Variants in CDH13 observed in about 807,000 individuals in gnomAD.
The protein encoded by CDH13 is cadherin-13.
Under a neutral mutation model 63.8 loss-of-function variants are expected in CDH13, and 24 were observed. The ratio of observed to expected loss-of-function variants is 0.38; its 90% CI spans 0.27 to 0.53. The LOEUF is 0.53. Ranked by LOEUF, CDH13 falls within the 20% of genes least tolerant of loss-of-function variation. The pLI, the probability that CDH13 is intolerant of heterozygous loss-of-function variation, is 0.85. For synonymous variants in CDH13, 503 were observed against 355.3 expected (o/e 1.42, Z -4.67); for missense variants, 1,049 against 903.1 (o/e 1.16, Z -2.07).
At chr16:83,526,117 C>G (rs1293908081) in intron 7 of CDH13, among the ~76,000 whole-genome samples, 1 of 152,198 alleles carries the variant, frequency 6.6e-6, no homozygotes, top group East Asian at 1.9e-4. Flanking sequence ...ATGTAACATT[C>G]AAGGCAGAAC....
intron 6 of CDH13, among the ~76,000 whole-genome samples, chr16:83,481,820 G>A (rs564413274): frequency 3.9e-5 from 6 of 152,280 alleles, no homozygotes; most frequent in Admixed American, 2.0e-4. Flanking sequence ...GCCCCAATGC[G>A]TGTCTGTCAT....
intron 11 of CDH13, among the ~76,000 whole-genome samples, chr16:83,773,947 G>A (rs1914932581): frequency 6.6e-6 from 1 of 152,010 alleles, no homozygotes; most frequent in Non-Finnish European, 1.5e-5. Flanking sequence ...CCCCTTCCCT[G>A]CCTGGCATGG....
rs1379690105 is a variant in CDH13 at position 82,842,115 on chromosome 16, T to C, written c.46-16247T>C. On this transcript the variant is annotated intron_variant, in intron 1 of 13. Transcript: ENST00000567109. ...ACATATATATATATATATATATGTATATATATATATATATATATATATACA... is the reference window on the plus strand; with the variant it reads ...ACATATATATATATATATATATGTACATATATATATATATATATATATACA... 5.5e-3 allele frequency among the ~76,000 whole-genome samples: 284 copies of C among 51,830 alleles called. 13 individuals are homozygous for C. Among genetic ancestry groups the C allele is most frequent in the African/African-American group, 0.014 (199 of 13,904 alleles). 34.0% of individuals were successfully genotyped at this position (51,830 alleles called of 152,430 possible).
intron 7 of CDH13, among the ~76,000 whole-genome samples, chr16:83,601,155 A>G (rs940291778): frequency 1.3e-5 from 2 of 152,198 alleles, no homozygotes; most frequent in Non-Finnish European, 2.9e-5. Flanking sequence ...GAGAAAGGCA[A>G]TCCTAACCCA....
chr16:83,356,003 T>G lies in CDH13; in HGVS notation c.781+10997T>G, dbSNP rs546263588. Among the ~76,000 whole-genome samples the G allele has an allele frequency of 2.0e-5, 3 of 152,302 alleles. No individual in the cohort carries two copies. In the South Asian group the frequency reaches 6.2e-4, roughly 32 times the overall value. On this transcript the variant is annotated intron_variant, in intron 6 of 13. Coordinates refer to ENST00000567109, the MANE Select transcript of CDH13 (RefSeq NM_001257.5). ...TCAGGGAGGTTAGGTGACTCCGCCG[T>G]GGTCACACAGCTGGTGGGTGATGAA... is the stretch of plus-strand genomic sequence containing the variant.
chr16:82,848,478 G>C (rs1350893514), intron 1 of CDH13, among the ~76,000 whole-genome samples: 1 of 151,870 alleles, frequency 6.6e-6, no homozygotes, highest in Non-Finnish European at 1.5e-5. Context: ...CTCATGTTTT[G>C]ATAATTCTCC....
intron 1 of CDH13, among the ~76,000 whole-genome samples, chr16:82,797,773 C>CTGTGTGTGTG (rs1567545844): frequency 1.5e-4 from 13 of 88,188 alleles, no homozygotes; most frequent in Non-Finnish European, 2.5e-4. Context: ...GACTTTAGGG[C>CTGTGTGTGTG]CGTGTGTGTG....
chr16:83,301,315 G>C (rs1341382545), intron 5 of CDH13, among the ~76,000 whole-genome samples: 17 of 152,116 alleles, frequency 1.1e-4, no homozygotes. Context: ...ACAGGCGTGA[G>C]CCACCGCACC....
At chr16:83,580,001 A>G (rs1905407328) in intron 7 of CDH13, among the ~76,000 whole-genome samples, 1 of 152,110 alleles carries the variant, frequency 6.6e-6, no homozygotes, top group South Asian at 2.1e-4. Context: ...TCAGAAGTAG[A>G]GAGAGCATGG....
intron 1 of CDH13, among the ~76,000 whole-genome samples, chr16:82,849,931 T>C (rs1423545919): frequency 6.6e-6 from 1 of 152,248 alleles, no homozygotes; most frequent in South Asian, 2.1e-4. Flanking sequence ...CAGAAAACTA[T>C]ATTCCCTTCA....
intron 10 of CDH13, among the ~76,000 whole-genome samples, chr16:83,681,107 A>C (rs1183005194): frequency 6.6e-6 from 1 of 151,950 alleles, no homozygotes; most frequent in Non-Finnish European, 1.5e-5. Flanking sequence ...TGAGCAGGAC[A>C]GATTGTGCCA....
chr16:83,195,156 T>C (rs1313017531), intron 4 of CDH13, among the ~76,000 whole-genome samples: 3 of 152,218 alleles, frequency 2.0e-5, no homozygotes, highest in Non-Finnish European at 4.4e-5. Flanking sequence ...ACAGTGTTTA[T>C]AATTAAAACA....
At chr16:83,231,141 C>T (rs34291194) in intron 5 of CDH13, among the ~76,000 whole-genome samples, 16,481 of 152,234 alleles carry the variant, frequency 0.11, 1,069 homozygotes, top group Non-Finnish European at 0.15. Context: ...ATAACTTGCA[C>T]ATCACGGCCC....
chr16:83,432,414 G>A (rs942472919), intron 6 of CDH13, among the ~76,000 whole-genome samples: 2 of 152,192 alleles, frequency 1.3e-5, no homozygotes, highest in African/African-American at 4.8e-5. Flanking sequence ...AGGCTCAGAA[G>A]TAGGCTTCAA....
intron 3 of CDH13, among the ~76,000 whole-genome samples, chr16:83,041,542 T>C (rs193176625): frequency 5.4e-4 from 82 of 152,306 alleles, no homozygotes; most frequent in Admixed American, 1.4e-3. Flanking sequence ...TCTTACTGCA[T>C]TGGGTGGTTA....
chr16:83,080,425 C>T (rs528926922), intron 3 of CDH13, among the ~76,000 whole-genome samples: 32 of 152,344 alleles, frequency 2.1e-4, no homozygotes, highest in South Asian at 1.2e-3. Flanking sequence ...GGGATTTCAA[C>T]TACGTTCTAT....
chr16:83,652,947 A>G (rs573682013), intron 8 of CDH13, among the ~76,000 whole-genome samples: 1 of 152,344 alleles, frequency 6.6e-6, no homozygotes, highest in African/African-American at 2.4e-5. Context: ...GTCCATCCAC[A>G]TGACGGAATG....
intron 1 of CDH13, chr16:82,823,852 G>A (rs945484387): frequency 5.9e-5 from 9 of 152,114 alleles, no homozygotes; most frequent in Non-Finnish European, 1.3e-4. Flanking sequence ...TTATACATAT[G>A]AATTTATTAG....
At chr16:82,833,682 C>A (rs1043024598) in intron 1 of CDH13, among the ~76,000 whole-genome samples, 10 of 152,200 alleles carry the variant, frequency 6.6e-5, no homozygotes, top group African/African-American at 4.8e-5. Context: ...CTAGTGACTT[C>A]ATGGCATCTG....
Sources: allele counts gnomAD v4.1 joint callset (sites outside exome capture counted in the v4.1 genomes callset), GRCh38; gene constraint gnomAD v4.1.1; transcripts MANE v1.5; gene names NCBI Gene and HGNC (gene_info 2026-07-23, HGNC 2026-07-21).